PHF3: variants seen among roughly 807,000 people sequenced by gnomAD.
PHF3 encodes the protein PHD finger protein 3.
Under a neutral mutation model 178.4 loss-of-function variants are expected in PHF3, and 41 were observed. That is an observed-to-expected ratio of 0.23 (90% CI 0.18 to 0.30). The LOEUF (loss-of-function observed/expected upper bound fraction) is 0.30, where lower values mean the gene tolerates loss of function less well. PHF3 is among the 10% of genes least tolerant of loss of function. The pLI is 1.00. For synonymous variants in PHF3, 842 were observed against 800.5 expected, an observed-to-expected ratio of 1.05 and a Z score of -0.88; for missense variants, 2,346 against 2,398.1, an observed-to-expected ratio of 0.98 and a Z score of 0.45.
At chr6:63,651,916 A>G (rs1298457054) in intron 2 of PHF3, among the ~76,000 whole-genome samples, 2 of 152,130 alleles carry the variant, frequency 1.3e-5, no homozygotes, top group African/African-American at 2.4e-5. Flanking sequence ...TCCATTGTGT[A>G]TATATATACC....
intron 9 of PHF3, 77 bp downstream of exon 9, chr6:63,700,543 T>A: frequency 1.3e-6 from 1 of 763,150 alleles, no homozygotes; most frequent in African/African-American, 1.8e-5. Context: ...TATACAGAGG[T>A]AAATTCAACA....
Position 63,684,304 on chromosome 6 carries a change from T to C in PHF3, c.582T>C (p.His194=), listed in dbSNP as rs2149582605. 1.2e-6 allele frequency: 2 copies of C among 1,613,962 alleles called. No individual in the cohort carries two copies. Among genetic ancestry groups the C allele is most frequent in the Non-Finnish European group, 1.7e-6 (2 of 1,179,896 alleles). ...EVCMSLKPEY[H]KENRRCSRNS... The stretch of plus-strand genomic sequence containing the variant: ...GTATGTCACTGAAACCTGAGTACCA[T>C]AAGGAGAATAGAAGGTGCAGCCGAA... Residue 194 remains histidine (H), a synonymous_variant, in exon 4 of 16, where the codon CAT becomes CAC. Transcript: ENST00000262043.
chr6:63,703,725 C>G lies in PHF3; in HGVS notation c.3367+54C>G, dbSNP rs1767577017. On this transcript the variant is annotated intron_variant, in intron 11 of 15. Transcript: ENST00000262043. The stretch of plus-strand genomic sequence containing the variant: ...TTGCATTCATTATGAAAGAAGGATA[C>G]TTAGATACTAGTATATGTAATTTAA... 1.5e-5 allele frequency: 23 copies of G among 1,511,430 alleles called. No individual in the cohort carries two copies. In the South Asian group the frequency reaches 2.7e-4, roughly 18 times the overall value. The allele number at this position is 1,511,430 out of a possible 1,614,324, so 93.6% of individuals were successfully genotyped here. A position where few individuals can be genotyped will look rare whatever the true frequency, so the allele number is the denominator to read the frequency against.
chr6:63,713,663 CCACAAAG>C lies in PHF3; in HGVS notation c.6076_6082del (p.His2026IlefsTer23). On this transcript the variant is annotated frameshift_variant, in exon 16 of 16. Transcript: ENST00000262043. LOFTEE classifies it high-confidence loss of function. The stretch of plus-strand genomic sequence containing the variant: ...AAGGAGAAAAGGACAGGGATAGGTA[CCACAAAG>C]ATAGGGACCACACTGACAGAACTAA... The C allele has an allele frequency of 6.2e-7, 1 of 1,600,728 alleles. No homozygotes were observed. Among genetic ancestry groups the C allele is most frequent in the Non-Finnish European group, 8.5e-7 (1 of 1,176,280 alleles).
intron 4 of PHF3, among the ~76,000 whole-genome samples, chr6:63,688,146 A>G (rs1582081729): frequency 1.6e-5 from 2 of 122,362 alleles, no homozygotes; most frequent in South Asian, 2.7e-4. Flanking sequence ...AGATCATGCT[A>G]CTCCACTTCA....
At chr6:63,636,177 G>A in intron 1 of PHF3, 27 bp downstream of exon 1, 1 of 379,184 alleles carries the variant, frequency 2.6e-6, no homozygotes, top group Non-Finnish European at 4.7e-6. Context: ...GCCGCGGCCA[G>A]GGAGACGGGC....
intron 2 of PHF3, among the ~76,000 whole-genome samples, chr6:63,674,888 G>T (rs1766100380): frequency 6.6e-6 from 1 of 152,104 alleles, no homozygotes; most frequent in Admixed American, 6.6e-5. Context: ...AGTCCCTCCT[G>T]TTACTGATTT....
intron 2 of PHF3, among the ~76,000 whole-genome samples, chr6:63,663,234 A>G (rs994825876): frequency 3.9e-5 from 6 of 152,200 alleles, no homozygotes; most frequent in East Asian, 1.9e-4. Flanking sequence ...AGAGAGCTGC[A>G]TCTTGATTCT....
At chr6:63,692,719 G>A (rs1278517083) in intron 5 of PHF3, among the ~76,000 whole-genome samples, 1 of 152,128 alleles carries the variant, frequency 6.6e-6, no homozygotes, top group Non-Finnish European at 1.5e-5. Flanking sequence ...CAATCATTTT[G>A]ATTTATTAAT....
chr6:63,644,391 AT>A (rs981468664), intron 1 of PHF3, among the ~76,000 whole-genome samples: 3 of 151,776 alleles, frequency 2.0e-5, no homozygotes, highest in South Asian at 2.1e-4. Context: ...AATATACTAA[AT>A]TTTTTTTTGG....
intron 1 of PHF3, among the ~76,000 whole-genome samples, chr6:63,642,106 G>A (rs553286952): frequency 5.7e-4 from 86 of 152,158 alleles, no homozygotes; most frequent in African/African-American, 2.0e-3. Flanking sequence ...AAATATCTTC[G>A]GACTCAGATT....
chr6:63,713,805 TA>T lies in PHF3; in HGVS notation c.*101del, dbSNP rs1768084120. The stretch of plus-strand genomic sequence containing the variant: ...TTGCCTGCTAGGATTGTGCCATCTT[TA>T]AAATTTTTACTATTGGTCATTTGCA... On this transcript the variant is annotated 3_prime_UTR_variant, in exon 16 of 16. Transcript: ENST00000262043. 9.5e-7 allele frequency: 1 copy of T among 1,057,472 alleles called. No homozygotes were observed. The highest frequency in any genetic ancestry group is 1.3e-6 in the Non-Finnish European group (1 of 747,732). The allele number at this position is 1,057,472 out of a possible 1,614,324, so 65.5% of individuals were successfully genotyped here. A position where few individuals can be genotyped will look rare whatever the true frequency, so the allele number is the denominator to read the frequency against.
intron 5 of PHF3, 140 bp downstream of exon 5, chr6:63,692,183 GT>G (rs1353296213): frequency 1.5e-6 from 1 of 675,672 alleles, no homozygotes; most frequent in African/African-American, 1.9e-5. Context: ...AAGTGAATAG[GT>G]TTTTATTTAA....
intron 11 of PHF3, among the ~76,000 whole-genome samples, chr6:63,704,898 G>C (rs1767625602): frequency 6.6e-6 from 1 of 152,200 alleles, no homozygotes; most frequent in Admixed American, 6.5e-5. Context: ...CGCCAGCAAT[G>C]AATGAGAGTT....
rs1768199221 is a variant in PHF3 at position 63,716,675 on chromosome 6, C to T, written c.*2967C>T. Among the ~76,000 whole-genome samples, 1 of 150,572 alleles carries T rather than the reference C, an allele frequency of 6.6e-6. No individual in the cohort carries two copies. The highest frequency in any genetic ancestry group is 1.5e-5 in the Non-Finnish European group (1 of 67,516). ...TTTCTGGAGACTTTCAGGGAGATTC[C>T]TTTTTTTTTGCGCCTTGGTTTCTAG... On this transcript the variant is annotated 3_prime_UTR_variant, in exon 16 of 16. Transcript: ENST00000262043.
At chr6:63,637,565 G>C (rs935975744) in intron 1 of PHF3, among the ~76,000 whole-genome samples, 1 of 152,106 alleles carries the variant, frequency 6.6e-6, no homozygotes. Context: ...TTATCACTTA[G>C]ACCTTTTCCC....
At chr6:63,707,133 T>G (rs1767728832) in intron 13 of PHF3, among the ~76,000 whole-genome samples, 2 of 152,216 alleles carry the variant, frequency 1.3e-5, no homozygotes, top group Admixed American at 1.3e-4. Flanking sequence ...TAATTCAAAA[T>G]CAATGAGAGT....
chr6:63,661,877 TCTG>T (rs938293384), intron 2 of PHF3, among the ~76,000 whole-genome samples: 3 of 152,180 alleles, frequency 2.0e-5, no homozygotes, highest in African/African-American at 7.2e-5. Context: ...AGGAGGCTGT[TCTG>T]CTGTCCTTGT....
In PHF3 at chr6:63,717,123, C is replaced by T. The variant is rs918510235; in HGVS notation, c.*3415C>T. ...GTGAAAAATTTAAGAACAATAACACCAGCAATAGAGAAGAAAATGGAGTGA... is the reference window on the plus strand; with the variant it reads ...GTGAAAAATTTAAGAACAATAACACTAGCAATAGAGAAGAAAATGGAGTGA... On this transcript the variant is annotated 3_prime_UTR_variant, in exon 16 of 16. Transcript: ENST00000262043. Among the ~76,000 whole-genome samples, 3 of 151,874 alleles carry T rather than the reference C, an allele frequency of 2.0e-5. No homozygotes were observed. The highest frequency in any genetic ancestry group is 2.9e-5 in the Non-Finnish European group (2 of 67,950).
Sources: allele counts gnomAD v4.1 joint callset (sites outside exome capture counted in the v4.1 genomes callset), GRCh38; gene constraint gnomAD v4.1.1; transcripts MANE v1.5; gene names NCBI Gene and HGNC (gene_info 2026-07-23, HGNC 2026-07-21).